Variants in ZBTB20 observed in about 807,000 individuals in gnomAD.
ZBTB20 encodes zinc finger and BTB domain-containing protein 20.
A neutral mutation model predicts 56.9 loss-of-function variants in ZBTB20; 9 were observed. That is an observed-to-expected ratio of 0.16 (90% CI 0.10 to 0.28). The LOEUF is 0.28. Among genes scored for constraint, ZBTB20 ranks in the 10% least tolerant of loss-of-function variants. The pLI is 1.00. For synonymous variants in ZBTB20, 417 were observed against 420.7 expected (o/e 0.99, Z 0.11); for missense variants, 655 against 1,003.0 (o/e 0.65, Z 4.69).
chr3:115,073,707 G>GA (rs2082493978), intron 1 of ZBTB20, among the ~76,000 whole-genome samples: 1 of 151,188 alleles, frequency 6.6e-6, no homozygotes, highest in Non-Finnish European at 1.5e-5. Context: ...ATTATAATGA[G>GA]AAAAAATTGT....
At chr3:114,784,920 A>C (rs1351410666) in intron 5 of ZBTB20, among the ~76,000 whole-genome samples, 3 of 152,214 alleles carry the variant, frequency 2.0e-5, no homozygotes, top group South Asian at 2.1e-4. Flanking sequence ...AGCACACTGT[A>C]ATTATTTCAC....
chr3:114,699,406 A>G (rs1180527151), intron 5 of ZBTB20, among the ~76,000 whole-genome samples: 2 of 152,106 alleles, frequency 1.3e-5, no homozygotes, highest in East Asian at 3.9e-4. Flanking sequence ...GAAGGACACC[A>G]AGAATGTACT....
intron 4 of ZBTB20, among the ~76,000 whole-genome samples, chr3:114,833,892 G>C (rs2073985532): frequency 6.6e-6 from 1 of 151,936 alleles, no homozygotes; most frequent in African/African-American, 2.4e-5. Context: ...ATAAGGCAAG[G>C]AAAGGTTAAA....
intron 1 of ZBTB20, among the ~76,000 whole-genome samples, chr3:115,134,050 C>G (rs1351792672): frequency 6.6e-6 from 1 of 152,104 alleles, no homozygotes; most frequent in Non-Finnish European, 1.5e-5. Flanking sequence ...TTCTAACAAT[C>G]TCCTCATCTT....
At chr3:114,705,132 T>C (rs1470629931) in intron 5 of ZBTB20, among the ~76,000 whole-genome samples, 1 of 152,202 alleles carries the variant, frequency 6.6e-6, no homozygotes, top group African/African-American at 2.4e-5. Flanking sequence ...TCAAGACCCA[T>C]GTTTTTCTCA....
chr3:114,889,163 G>A (rs534343237), intron 4 of ZBTB20, among the ~76,000 whole-genome samples: 206 of 151,766 alleles, frequency 1.4e-3, no homozygotes, highest in Non-Finnish European at 2.6e-3. Flanking sequence ...AAATCCTTTC[G>A]TTTAGAAAAA....
chr3:114,518,562 C>T (rs1249406696), intron 6 of ZBTB20: 1 of 152,152 alleles, frequency 6.6e-6, no homozygotes, highest in Non-Finnish European at 1.5e-5. Flanking sequence ...GAAGGGGAAC[C>T]TGCTAGTTAG....
chr3:115,116,613 T>C (rs568283982), intron 1 of ZBTB20, among the ~76,000 whole-genome samples: 5 of 152,052 alleles, frequency 3.3e-5, no homozygotes. Flanking sequence ...AAGGCTCTAG[T>C]CAAAGCACAC....
At chr3:115,048,277 A>G (rs1488214595) in intron 2 of ZBTB20, among the ~76,000 whole-genome samples, 5 of 152,050 alleles carry the variant, frequency 3.3e-5, no homozygotes, top group African/African-American at 7.2e-5. Flanking sequence ...TAAATCCTAA[A>G]TCTTTTCTTA....
chr3:114,553,707 C>T (rs1346963884), intron 6 of ZBTB20, among the ~76,000 whole-genome samples: 1 of 152,140 alleles, frequency 6.6e-6, no homozygotes, highest in East Asian at 1.9e-4. Context: ...AAAGTCTATA[C>T]TTCTATAATT....
intron 5 of ZBTB20, among the ~76,000 whole-genome samples, chr3:114,734,736 T>C (rs2066011585): frequency 6.6e-6 from 1 of 152,060 alleles, no homozygotes; most frequent in Non-Finnish European, 1.5e-5. Flanking sequence ...TTAAGAAAGA[T>C]TAATAAAAGT....
At chr3:115,102,574 TC>T (rs2083614699) in intron 1 of ZBTB20, 1 of 152,062 alleles carries the variant, frequency 6.6e-6, no homozygotes, top group African/African-American at 2.4e-5. Context: ...GTATTTGGTT[TC>T]TACCAGCAGG....
At chr3:114,850,074 AT>A (rs1166648125) in intron 4 of ZBTB20, among the ~76,000 whole-genome samples, 6 of 151,680 alleles carry the variant, frequency 4.0e-5, no homozygotes, top group Admixed American at 3.9e-4. Flanking sequence ...TAATTTTTGT[AT>A]TTTTAGTAGA....
chr3:114,617,511 C>G (rs186247168), intron 6 of ZBTB20, among the ~76,000 whole-genome samples: 1 of 152,346 alleles, frequency 6.6e-6, no homozygotes. Flanking sequence ...AGTTACGGCA[C>G]TTAGCATAAT....
At chr3:114,341,450 C>T (rs1170259290) in intron 11 of ZBTB20, among the ~76,000 whole-genome samples, 2 of 152,164 alleles carry the variant, frequency 1.3e-5, no homozygotes, top group Non-Finnish European at 2.9e-5. Flanking sequence ...CCACCTGTCA[C>T]CTTTTATGGG....
At chr3:114,683,371 C>T (rs569928017) in intron 6 of ZBTB20, among the ~76,000 whole-genome samples, 4 of 152,208 alleles carry the variant, frequency 2.6e-5, no homozygotes, top group African/African-American at 7.2e-5. Flanking sequence ...GGGAATCAGG[C>T]TATGAATGGA....
intron 5 of ZBTB20, among the ~76,000 whole-genome samples, chr3:114,731,867 C>T (rs1025198462): frequency 5.9e-5 from 9 of 151,686 alleles, no homozygotes; most frequent in East Asian, 1.9e-4. Context: ...GTAACTAATC[C>T]GGCTGTGCCT....
chr3:115,116,230 A>G (rs1231299869), intron 1 of ZBTB20, among the ~76,000 whole-genome samples: 2 of 152,086 alleles, frequency 1.3e-5, no homozygotes, highest in Non-Finnish European at 2.9e-5. Context: ...CTGTTTAAGT[A>G]GCAATGCATG....
At chr3:114,973,875 C>T (rs1429680977) in intron 3 of ZBTB20, among the ~76,000 whole-genome samples, 2 of 152,082 alleles carry the variant, frequency 1.3e-5, no homozygotes, top group Admixed American at 6.5e-5. Context: ...AAATTCTGGA[C>T]TTCTGACTAT....
Sources: gnomAD v4.1 joint callset for allele counts (sites outside exome capture counted in the v4.1 genomes callset) on GRCh38, gnomAD v4.1.1 for gene constraint, MANE v1.5 for transcripts, NCBI Gene and HGNC (gene_info 2026-07-23, HGNC 2026-07-21) for gene names.